GLRA3: variants seen among roughly 807,000 people sequenced by gnomAD.
The protein encoded by GLRA3 is glycine receptor subunit alpha-3.
GLRA3 carries 44 observed loss-of-function variants against 60.4 expected under a neutral mutation model. That is an observed-to-expected ratio of 0.73 (90% CI 0.57 to 0.94). GLRA3 has a LOEUF of 0.94. GLRA3 is among the 40% of genes least tolerant of loss of function. The probability of loss-of-function intolerance (pLI) is 0.00; values close to 1 mark genes in which losing one functional copy is unlikely to be tolerated. For missense variants in GLRA3, 508 were observed against 564.6 expected, an observed-to-expected ratio of 0.90 and a Z score of 1.02; for synonymous variants, 223 against 192.9, an observed-to-expected ratio of 1.16 and a Z score of -1.29.
chr4:174,812,667 G>A (rs898267342), intron 1 of GLRA3, among the ~76,000 whole-genome samples: 1 of 152,078 alleles, frequency 6.6e-6, no homozygotes, highest in Non-Finnish European at 1.5e-5. Context: ...TATACCTCAA[G>A]GTTTTTATAG....
At chr4:174,799,259 C>G (rs1041537071) in intron 1 of GLRA3, among the ~76,000 whole-genome samples, 1 of 152,080 alleles carries the variant, frequency 6.6e-6, no homozygotes, top group East Asian at 1.9e-4. Context: ...TTTTTCTAGG[C>G]CACTCAAATA....
intron 2 of GLRA3, 126 bp from the exon 3 acceptor site, chr4:174,767,156 AGATGCTTAAAATTGAAG>A: frequency 1.9e-6 from 1 of 525,914 alleles, no homozygotes; most frequent in Non-Finnish European, 3.5e-6. Flanking sequence ...ACACACACAC[AGATGCTTAAAATTGAAG>A]CAATAATTCC....
At chr4:174,827,370 G>A (rs2111414478) in intron 1 of GLRA3, among the ~76,000 whole-genome samples, 1 of 151,466 alleles carries the variant, frequency 6.6e-6, no homozygotes, top group Non-Finnish European at 1.5e-5. Flanking sequence ...CTAAATCTAA[G>A]TATCTATCAA....
chr4:174,643,290 T>G lies in GLRA3; in HGVS notation c.*496A>C. 1 of 631,712 alleles carries G rather than the reference T, an allele frequency of 1.6e-6. No homozygotes were observed. Among genetic ancestry groups the G allele is most frequent in the Non-Finnish European group, 1.9e-6 (1 of 528,170 alleles). The allele number at this position is 631,712 out of a possible 1,614,324, so 39.1% of individuals were successfully genotyped here. A position where few individuals can be genotyped will look rare whatever the true frequency, so the allele number is the denominator to read the frequency against. Reference sequence around the variant, plus strand: ...ATGTTGTTTAAATAGTATTTATATGTACAATCCTCCATTAATATGAGTGAA... The same window carrying G: ...ATGTTGTTTAAATAGTATTTATATGGACAATCCTCCATTAATATGAGTGAA... On this transcript the variant is annotated 3_prime_UTR_variant, in exon 10 of 10. Coordinates refer to ENST00000274093, the MANE Select transcript of GLRA3 (RefSeq NM_006529.4).
chr4:174,728,718 GA>G lies in GLRA3; in HGVS notation c.268-21del. 7.4e-7 allele frequency: 1 copy of G among 1,354,804 alleles called. No homozygotes were observed. Among genetic ancestry groups the G allele is most frequent in the East Asian group, 2.4e-5 (1 of 41,936 alleles). The allele number at this position is 1,354,804 out of a possible 1,614,324, so 83.9% of individuals were successfully genotyped here. ...GTAATCCTATGATAAAATAATGAAA[GA>G]AAGAAAAAAAAAAACCCTGCTTTAA... On this transcript the variant is annotated intron_variant, in intron 3 of 9. Coordinates refer to ENST00000274093, the MANE Select transcript of GLRA3 (RefSeq NM_006529.4).
chr4:174,758,315 A>G (rs1240245525), intron 3 of GLRA3, among the ~76,000 whole-genome samples: 1 of 152,174 alleles, frequency 6.6e-6, no homozygotes, highest in Non-Finnish European at 1.5e-5. Flanking sequence ...ATATTCAATA[A>G]TAAGTCATAT....
intron 3 of GLRA3, among the ~76,000 whole-genome samples, chr4:174,757,515 T>C (rs1246469454): frequency 6.6e-6 from 1 of 152,042 alleles, no homozygotes; most frequent in African/African-American, 2.4e-5. Context: ...ACCAAAGTGG[T>C]AGGAATGTGT....
intron 1 of GLRA3, among the ~76,000 whole-genome samples, chr4:174,798,734 C>A (rs1307939755): frequency 6.6e-6 from 1 of 152,156 alleles, no homozygotes; most frequent in African/African-American, 2.4e-5. Flanking sequence ...ACCATCCTGG[C>A]TAACACGGTG....
At chr4:174,658,691 A>T (rs1304514105) in intron 8 of GLRA3, among the ~76,000 whole-genome samples, 4 of 152,222 alleles carry the variant, frequency 2.6e-5, no homozygotes, top group Non-Finnish European at 4.4e-5. Flanking sequence ...AAGGAACATG[A>T]ATAATTACAT....
At chr4:174,806,545 T>A (rs1320745726) in intron 1 of GLRA3, among the ~76,000 whole-genome samples, 1 of 152,136 alleles carries the variant, frequency 6.6e-6, no homozygotes, top group East Asian at 1.9e-4. Context: ...GTGTCTGTAC[T>A]GAATATGTAA....
intron 4 of GLRA3, among the ~76,000 whole-genome samples, chr4:174,718,553 T>C (rs1736009142): frequency 6.6e-6 from 1 of 152,236 alleles, no homozygotes; most frequent in African/African-American, 2.4e-5. Context: ...CATTGTTTCA[T>C]GTGTCTATCT....
At chr4:174,754,084 C>T (rs1737593785) in intron 3 of GLRA3, among the ~76,000 whole-genome samples, 1 of 152,074 alleles carries the variant, frequency 6.6e-6, no homozygotes, top group Non-Finnish European at 1.5e-5. Flanking sequence ...ATTGTATTCT[C>T]TATGATATTC....
intron 3 of GLRA3, among the ~76,000 whole-genome samples, chr4:174,751,471 G>A (rs1222767840): frequency 1.3e-5 from 2 of 152,020 alleles, no homozygotes; most frequent in Non-Finnish European, 2.9e-5. Context: ...GTGTTTGTGT[G>A]CAGGCACACA....
intron 1 of GLRA3, among the ~76,000 whole-genome samples, chr4:174,793,054 C>T (rs1027581109): frequency 7.2e-5 from 11 of 152,160 alleles, no homozygotes; most frequent in Non-Finnish European, 1.3e-4. Context: ...GGAATCACTA[C>T]AAGCCTCTGA....
intron 5 of GLRA3, among the ~76,000 whole-genome samples, chr4:174,702,470 T>A (rs1735356520): frequency 6.6e-6 from 1 of 152,160 alleles, no homozygotes; most frequent in Non-Finnish European, 1.5e-5. Context: ...CTCTAAGGTA[T>A]CCCTATATTC....
rs1467037103 is a variant in GLRA3 at position 174,642,395 on chromosome 4, T to C, written c.*1391A>G. The C allele has an allele frequency of 2.1e-6, 2 of 967,180 alleles. No individual in the cohort carries two copies. Among genetic ancestry groups the C allele is most frequent in the African/African-American group, 1.8e-5 (1 of 56,764 alleles). 59.9% of individuals were successfully genotyped at this position (967,180 alleles called of 1,614,324 possible). On this transcript the variant is annotated 3_prime_UTR_variant, in exon 10 of 10. Coordinates refer to ENST00000274093, the MANE Select transcript of GLRA3 (RefSeq NM_006529.4). ...CTGAGTTTGTGCATCTGACCAATAA[T>C]TAAAATACCTAAAAAGCATTCCAAA... is the stretch of plus-strand genomic sequence containing the variant.
intron 4 of GLRA3, among the ~76,000 whole-genome samples, chr4:174,718,014 A>T (rs1735988688): frequency 6.6e-6 from 1 of 152,214 alleles, no homozygotes; most frequent in African/African-American, 2.4e-5. Context: ...TTTTTCTGGC[A>T]TAAAAAAAGA....
chr4:174,786,709 C>A (rs1561118629), intron 2 of GLRA3, among the ~76,000 whole-genome samples: 2 of 152,030 alleles, frequency 1.3e-5, no homozygotes, highest in Non-Finnish European at 2.9e-5. Context: ...CAAAAGATGA[C>A]AAAGCAAAAG....
chr4:174,643,745 T>C lies in GLRA3; in HGVS notation c.*41A>G, dbSNP rs1031602874. The C allele has an allele frequency of 3.1e-6, 5 of 1,588,110 alleles. No homozygotes were observed. The South Asian group carries it at 5.7e-5, about 18-fold the overall frequency. On this transcript the variant is annotated 3_prime_UTR_variant, in exon 10 of 10. Coordinates refer to ENST00000274093, the MANE Select transcript of GLRA3 (RefSeq NM_006529.4). ...ATACACACCTATGGCAGAGACACTT[T>C]CTTCTGAATTGACCATTTGCATTTG...
Sources: gnomAD v4.1 joint callset for allele counts (sites outside exome capture counted in the v4.1 genomes callset) on GRCh38, gnomAD v4.1.1 for gene constraint, MANE v1.5 for transcripts, NCBI Gene and HGNC (gene_info 2026-07-23, HGNC 2026-07-21) for gene names.